The following NOP14 variants were observed in gnomAD, a reference collection of about 807,000 sequenced individuals.
The protein encoded by NOP14 is NOP14 nucleolar protein.
In NOP14, 57 loss-of-function variants were observed where a neutral mutation model predicts 101.6. The ratio of observed to expected loss-of-function variants is 0.56; its 90% CI spans 0.45 to 0.70. The LOEUF (loss-of-function observed/expected upper bound fraction) is 0.70. Ranked by LOEUF, NOP14 falls within the 30% of genes least tolerant of loss-of-function variation. The pLI is 0.00. For synonymous variants in NOP14, 428 were observed against 424.0 expected, an observed-to-expected ratio of 1.01 and a Z score of -0.12; for missense variants, 1,134 against 1,075.5, an observed-to-expected ratio of 1.05 and a Z score of -0.76.
rs377055374 is a variant in NOP14 at position 2,954,448 on chromosome 4, G to A, written c.588C>T (p.Leu196=). The change falls in exon 4 of 18, where the codon CTC becomes CTT. Residue 196 remains leucine (L), a synonymous_variant. Transcript: ENST00000416614. ...CCTTCTCTTGTTTTGACTTGGCAAT[G>A]AGCTCTTCAATCAGCTCTTTCCGGG... The part of the protein sequence containing the change: ...PKSRKELIEE[L]IAKSKQEKRE... The A allele has an allele frequency of 2.5e-6, 4 of 1,614,116 alleles. No individual in the cohort carries two copies. Among genetic ancestry groups the A allele is most frequent in the African/African-American group, 1.3e-5 (1 of 75,028 alleles).
At chr4:2,960,770 TATATTAATATTATA>T (rs1219368829) in intron 1 of NOP14, among the ~76,000 whole-genome samples, 1 of 135,226 alleles carries the variant, frequency 7.4e-6, no homozygotes, top group African/African-American at 2.9e-5. Flanking sequence ...TTAATATTAA[TATATTAATATTATA>T]ATCACATTAA....
chr4:2,940,068 C>T (rs889273373), intron 15 of NOP14, among the ~76,000 whole-genome samples: 7 of 152,192 alleles, frequency 4.6e-5, no homozygotes, highest in African/African-American at 1.4e-4. Flanking sequence ...CTTTCTGCCG[C>T]GGGGGGCCGT....
chr4:2,960,758 CATTAATATTAATAT>C (rs1405298523), intron 1 of NOP14, among the ~76,000 whole-genome samples: 1 of 87,534 alleles, frequency 1.1e-5, no homozygotes, highest in African/African-American at 4.1e-5. Flanking sequence ...ATTATAATCA[CATTAATATTAATAT>C]ATTAATATTA....
chr4:2,959,990 G>C (rs1362656182), intron 1 of NOP14, among the ~76,000 whole-genome samples: 1 of 148,328 alleles, frequency 6.7e-6, no homozygotes, highest in Non-Finnish European at 1.5e-5. Context: ...TTTTTTTAAA[G>C]ATGGAATCTC....
chr4:2,954,182 A>G (rs1165528891), intron 4 of NOP14, among the ~76,000 whole-genome samples: 2 of 152,230 alleles, frequency 1.3e-5, no homozygotes, highest in Admixed American at 1.3e-4. Context: ...CAGCCCGGGA[A>G]ACAGAGACTA....
chr4:2,958,888 AAG>A lies in NOP14; in HGVS notation c.196-1150_196-1149del, dbSNP rs144145658. Among the ~76,000 whole-genome samples the A allele has an allele frequency of 2.2e-3, 329 of 152,280 alleles. 1 individual carries two copies. Among genetic ancestry groups the A allele is most frequent in the African/African-American group, 7.4e-3 (306 of 41,576 alleles). ...AAACCAGGAGCTGGAAGAGGAGGAAAAGAGAGTGGAAGGGGTTAAGAAGCAGC... is the reference window on the plus strand; with the variant it reads ...AAACCAGGAGCTGGAAGAGGAGGAAAAGAGTGGAAGGGGTTAAGAAGCAGC... On this transcript the variant is annotated intron_variant, in intron 1 of 17. Transcript: ENST00000416614.
At chr4:2,951,303 G>A (rs542916879) in intron 6 of NOP14, 58 bp from the exon 7 acceptor site, 26 of 1,562,552 alleles carry the variant, frequency 1.7e-5, no homozygotes, top group African/African-American at 2.7e-5. Flanking sequence ...TGGTGAGGGG[G>A]CCGTGCAGTC....
In NOP14 at chr4:2,939,294, T is replaced by C. The variant is rs1344950934; in HGVS notation, c.2368A>G (p.Lys790Glu). The change falls in exon 17 of 18, where the codon AAG becomes GAG. Residue 790 changes from lysine (K) to glutamate (E), a missense_variant. By Grantham distance (56) the Lys-to-Glu change is moderately conservative. Transcript: ENST00000416614. ...CGCTTGTGTTTGTGGATCAGCCTCT[T>C]CCTTTCCTGTTCCTCCTTACTACTG... ...QGSSKEEQER[K>E]RLIHKHKREF... The C allele has an allele frequency of 6.2e-7, 1 of 1,614,064 alleles. No individual in the cohort carries two copies. The highest frequency in any genetic ancestry group is 2.2e-5 in the East Asian group (1 of 44,892).
chr4:2,958,900 G>A (rs75371137), intron 1 of NOP14, among the ~76,000 whole-genome samples: 5 of 152,218 alleles, frequency 3.3e-5, no homozygotes, highest in African/African-American at 1.2e-4. Flanking sequence ...GAGAGTGGAA[G>A]GGGTTAAGAA....
At chr4:2,941,753 A>T (rs1714214236) in intron 14 of NOP14, 24 bp from the exon 15 acceptor site, 31 of 1,606,684 alleles carry the variant, frequency 1.9e-5, no homozygotes, top group Non-Finnish European at 2.6e-5. Context: ...AGGCAAGAGG[A>T]GGTCCAACTT....
chr4:2,943,000 C>T (rs575388038), intron 13 of NOP14, among the ~76,000 whole-genome samples: 6 of 152,334 alleles, frequency 3.9e-5, no homozygotes, highest in South Asian at 2.1e-4. Flanking sequence ...TCCCCAAAGC[C>T]GAGATGCCCA....
chr4:2,953,401 G>T (rs1715152363), intron 5 of NOP14, 110 bp downstream of exon 5: 2 of 1,152,378 alleles, frequency 1.7e-6, no homozygotes, highest in Admixed American at 2.3e-5. Context: ...ACAGAAACTT[G>T]CCCTAAAGGA....
chr4:2,958,427 C>T (rs745563123), intron 1 of NOP14, among the ~76,000 whole-genome samples: 8 of 152,178 alleles, frequency 5.3e-5, no homozygotes, highest in Non-Finnish European at 1.2e-4. Flanking sequence ...CCTGAGATGG[C>T]CACATTGCAA....
intron 16 of NOP14, 60 bp from the exon 17 acceptor site, chr4:2,939,403 C>G (rs947249657): frequency 1.2e-6 from 2 of 1,609,880 alleles, no homozygotes; most frequent in African/African-American, 2.7e-5. Flanking sequence ...TCAGCCAGAG[C>G]CTGCTTGGGA....
intron 3 of NOP14, among the ~76,000 whole-genome samples, chr4:2,955,783 C>T (rs904613710): frequency 1.3e-5 from 2 of 152,372 alleles, no homozygotes; most frequent in Admixed American, 6.5e-5. Context: ...ATTCTCTTCA[C>T]GCCCGTGAAG....
intron 1 of NOP14, among the ~76,000 whole-genome samples, chr4:2,962,660 T>TA (rs200062475): frequency 2.9e-4 from 42 of 147,336 alleles, no homozygotes; most frequent in South Asian, 1.0e-3. Context: ...CAGTGAAAAT[T>TA]TAAAAAAAAA....
At chr4:2,944,596 G>A (rs1161345487) in intron 12 of NOP14, among the ~76,000 whole-genome samples, 2 of 152,086 alleles carry the variant, frequency 1.3e-5, no homozygotes, top group African/African-American at 2.4e-5. Context: ...TAGTAGAGAC[G>A]GGGTTTCGCC....
At position 2,950,196 on chromosome 4, in the gene NOP14, G is replaced by A. The variant is rs767905576; in HGVS notation, c.1020C>T (p.Val340=). 12 of 1,613,738 alleles carry A rather than the reference G, an allele frequency of 7.4e-6. No homozygotes were observed. The highest frequency in any genetic ancestry group is 1.7e-5 in the Admixed American group (1 of 60,016). The change falls in exon 8 of 18, where the codon GTC becomes GTT. Residue 340 remains valine, a synonymous_variant. Transcript: ENST00000416614. ...LLSYKDGKMN[V]EEDVQEEQSK... is the part of the protein sequence containing the mutation. ...TTTGCTCTTCCTGGACATCTTCCTC[G>A]ACATTCATCTTTCCATCCTACCAAG...
At position 2,963,334 on chromosome 4, in the gene NOP14, T is replaced by A; in HGVS notation, c.-15A>T. ...GCCTTCGCCATGGCGCGCGCCCCGC[T>A]GCGCCCAAGGGCCCGAGACCCGAAG... On this transcript the variant is annotated 5_prime_UTR_variant, in exon 1 of 18. Coordinates refer to ENST00000416614, the MANE Select transcript of NOP14 (RefSeq NM_001291978.2). 6.4e-7 allele frequency: 1 copy of A among 1,558,788 alleles called. No individual in the cohort carries two copies. The highest frequency in any genetic ancestry group is 8.6e-7 in the Non-Finnish European group (1 of 1,157,844).
Sources: allele counts gnomAD v4.1 joint callset (sites outside exome capture counted in the v4.1 genomes callset), GRCh38; gene constraint gnomAD v4.1.1; transcripts MANE v1.5; gene names NCBI Gene and HGNC (gene_info 2026-07-23, HGNC 2026-07-21).